Variants in VRK2 observed in about 807,000 individuals in gnomAD.
VRK2 encodes the protein VRK serine/threonine kinase 2, also known as serine/threonine-protein kinase VRK2.
VRK2 carries 60 observed loss-of-function variants against 57.6 expected under a neutral mutation model. That is an observed-to-expected ratio of 1.04 (90% CI 0.85 to 1.29). The LOEUF (loss-of-function observed/expected upper bound fraction) is 1.29, where lower values mean the gene tolerates loss of function less well. Ranked by LOEUF, VRK2 falls within the 50% of genes most tolerant of loss-of-function variation. The pLI is 0.00. For synonymous variants in VRK2, 231 were observed against 199.2 expected (o/e 1.16, Z -1.35); for missense variants, 705 against 588.1 (o/e 1.20, Z -2.06).
intron 1 of VRK2, among the ~76,000 whole-genome samples, chr2:57,965,356 G>A (rs189738134): frequency 6.6e-6 from 1 of 152,304 alleles, no homozygotes; most frequent in Admixed American, 6.5e-5. Flanking sequence ...AATGTATCAG[G>A]TAAACAGGAA....
At chr2:58,158,212 T>C (rs1006026010) in intron 12 of VRK2, among the ~76,000 whole-genome samples, 4 of 152,210 alleles carry the variant, frequency 2.6e-5, no homozygotes, top group African/African-American at 7.2e-5. Context: ...TTATGCTTTA[T>C]AGGCCTACTG....
At chr2:57,943,590 G>C (rs2103961398) in intron 1 of VRK2, among the ~76,000 whole-genome samples, 1 of 152,304 alleles carries the variant, frequency 6.6e-6, no homozygotes, top group South Asian at 2.1e-4. Flanking sequence ...ATGGACATAA[G>C]ACTGGACTTA....
chr2:57,930,003 A>G (rs1409765687), intron 1 of VRK2, among the ~76,000 whole-genome samples: 1 of 151,956 alleles, frequency 6.6e-6, no homozygotes, highest in Non-Finnish European at 1.5e-5. Context: ...TTTCTCCCAG[A>G]GCTGTGAGCT....
intron 9 of VRK2, 110 bp from the exon 10 acceptor site, chr2:58,135,031 G>C: frequency 1.8e-6 from 2 of 1,101,046 alleles, no homozygotes; most frequent in Non-Finnish European, 2.6e-6. Flanking sequence ...AAAAAGCATT[G>C]AAAGTCACAA....
chr2:57,919,874 A>G (rs1419873925), intron 1 of VRK2, among the ~76,000 whole-genome samples: 6 of 152,106 alleles, frequency 3.9e-5, no homozygotes, highest in African/African-American at 9.6e-5. Flanking sequence ...CCTCTTAAAA[A>G]GGAGCCATTA....
In VRK2 at chr2:58,159,819, T is replaced by C. The variant is rs978313954; in HGVS notation, c.*126T>C. On this transcript the variant is annotated 3_prime_UTR_variant, in exon 13 of 13. Coordinates refer to ENST00000340157, the MANE Select transcript of VRK2 (RefSeq NM_006296.7). ...TAATTGGCTTTAAAAAGAGAACATA[T>C]TTTAACAAAGTTTGTGGACACTCTA... 5.6e-6 allele frequency: 9 copies of C among 1,611,880 alleles called. No homozygotes were observed. The highest frequency in any genetic ancestry group is 2.2e-5 in the East Asian group (1 of 44,802).
chr2:58,011,625 G>C (rs375486155), intron 1 of VRK2, among the ~76,000 whole-genome samples: 1 of 152,090 alleles, frequency 6.6e-6, no homozygotes, highest in Non-Finnish European at 1.5e-5. Flanking sequence ...AAGATGGTAA[G>C]AGATATATTC....
intron 1 of VRK2, among the ~76,000 whole-genome samples, chr2:57,975,643 T>C (rs560995621): frequency 3.9e-4 from 60 of 152,116 alleles, no homozygotes; most frequent in African/African-American, 1.3e-3. Context: ...GGCCTTGTAC[T>C]CCTCCCTCCT....
At chr2:57,926,573 C>G (rs1393168394) in intron 1 of VRK2, among the ~76,000 whole-genome samples, 1 of 150,980 alleles carries the variant, frequency 6.6e-6, no homozygotes, top group Non-Finnish European at 1.5e-5. Flanking sequence ...TCTTGCTGAA[C>G]TTACCCCTTT....
intron 8 of VRK2, among the ~76,000 whole-genome samples, chr2:58,124,898 T>C (rs954894507): frequency 1.6e-4 from 24 of 152,278 alleles, no homozygotes; most frequent in African/African-American, 5.5e-4. Context: ...TTTTGTAGTG[T>C]TGTGTGATTT....
At chr2:58,116,966 G>A (rs1676615767) in intron 7 of VRK2, among the ~76,000 whole-genome samples, 1 of 152,174 alleles carries the variant, frequency 6.6e-6, no homozygotes. Context: ...TGTGGCTGGG[G>A]TTTGTCTCAC....
intron 1 of VRK2, among the ~76,000 whole-genome samples, chr2:58,022,534 T>C (rs1053861801): frequency 4.6e-5 from 7 of 152,222 alleles, no homozygotes; most frequent in South Asian, 2.1e-4. Flanking sequence ...TATGTTGTCA[T>C]TGAGAAATTC....
At chr2:58,112,367 C>T (rs1000992212) in intron 7 of VRK2, among the ~76,000 whole-genome samples, 2 of 152,182 alleles carry the variant, frequency 1.3e-5, no homozygotes, top group Non-Finnish European at 1.5e-5. Flanking sequence ...TTCATTTCTT[C>T]CCTTCCTTTA....
At chr2:58,098,603 G>C (rs1033883762) in intron 7 of VRK2, among the ~76,000 whole-genome samples, 6 of 150,858 alleles carry the variant, frequency 4.0e-5, no homozygotes, top group Non-Finnish European at 7.4e-5. Context: ...ATGCTGTATA[G>C]GTTTGTAGCC....
chr2:57,972,272 T>C (rs1672119889), intron 1 of VRK2, among the ~76,000 whole-genome samples: 1 of 151,696 alleles, frequency 6.6e-6, no homozygotes, highest in Non-Finnish European at 1.5e-5. Flanking sequence ...TCAGAAAATA[T>C]ATTATGACAT....
intron 1 of VRK2, among the ~76,000 whole-genome samples, chr2:57,938,850 T>A (rs1006847745): frequency 1.3e-5 from 2 of 152,206 alleles, no homozygotes; most frequent in African/African-American, 4.8e-5. Flanking sequence ...CTTTCAAAGT[T>A]ATTTATGACT....
At chr2:58,053,557 C>A (rs996581861) in intron 2 of VRK2, among the ~76,000 whole-genome samples, 1 of 152,116 alleles carries the variant, frequency 6.6e-6, no homozygotes, top group African/African-American at 2.4e-5. Context: ...ATATAAACCA[C>A]ATACATAGAA....
chr2:58,024,506 T>C (rs1347250819), intron 1 of VRK2, among the ~76,000 whole-genome samples: 1 of 152,198 alleles, frequency 6.6e-6, no homozygotes, highest in Non-Finnish European at 1.5e-5. Context: ...TTAACAGCAG[T>C]TCATTGAGAA....
chr2:58,024,013 C>T (rs900060276), intron 1 of VRK2, among the ~76,000 whole-genome samples: 1 of 146,894 alleles, frequency 6.8e-6, no homozygotes, highest in African/African-American at 2.5e-5. Context: ...GAGTCTCACT[C>T]TGTAGCCCAG....
Sources: gnomAD v4.1 joint callset for allele counts (sites outside exome capture counted in the v4.1 genomes callset) on GRCh38, gnomAD v4.1.1 for gene constraint, MANE v1.5 for transcripts, NCBI Gene and HGNC (gene_info 2026-07-23, HGNC 2026-07-21) for gene names.